The following STEAP2 variants were observed in gnomAD, a reference collection of about 807,000 sequenced individuals.
STEAP2 encodes metalloreductase STEAP2.
STEAP2 carries 30 observed loss-of-function variants against 46.4 expected under a neutral mutation model. The ratio of observed to expected loss-of-function variants is 0.65; its 90% CI spans 0.48 to 0.88. The LOEUF (loss-of-function observed/expected upper bound fraction) is 0.88, where lower values mean the gene tolerates loss of function less well. Ranked by LOEUF, STEAP2 falls within the 40% of genes least tolerant of loss-of-function variation. STEAP2 has a pLI of 0.00. For missense variants in STEAP2, 513 were observed against 579.3 expected, an observed-to-expected ratio of 0.89 and a Z score of 1.18; for synonymous variants, 180 against 200.5, an observed-to-expected ratio of 0.90 and a Z score of 0.86.
rs778077381 is a variant in STEAP2 at position 90,232,644 on chromosome 7, C to T, written c.*20C>T. The T allele has an allele frequency of 7.0e-6, 11 of 1,579,894 alleles. No individual in the cohort carries two copies. In the Admixed American group the frequency reaches 1.8e-4, roughly 26 times the overall value. On this transcript the variant is annotated 3_prime_UTR_variant, in exon 6 of 6. Transcript: ENST00000394621. ...ATGTGATGACAAATGGTGTTCACAG[C>T]TGCCATATAAAGTTCTACTCATGCC...
chr7:90,232,596 T>C lies in STEAP2; in HGVS notation c.1445T>C (p.Val482Ala). 6.2e-7 allele frequency: 1 copy of C among 1,612,534 alleles called. No individual in the cohort carries two copies. The highest frequency in any genetic ancestry group is 8.5e-7 in the Non-Finnish European group (1 of 1,179,082). The change falls in exon 6 of 6, where the codon GTC (valine) becomes GCC (alanine). Residue 482 changes from valine to alanine, a missense_variant. Transcript: ENST00000394621. ...GGTATGGGAGGAACAATTCCTCATG[T>C]CTCCCCGGAGAGGGTCACAGTAATG... ...EEGMGGTIPH[V>A]SPERVTVM
intron 5 of STEAP2, 107 bp from the exon 6 acceptor site, chr7:90,232,230 A>T: frequency 6.1e-6 from 8 of 1,318,832 alleles, no homozygotes; most frequent in Non-Finnish European, 7.8e-6. Flanking sequence ...TTAAGACAAA[A>T]TAGTTTTATC....
At chr7:90,230,999 G>A (rs1428523310) in intron 5 of STEAP2, among the ~76,000 whole-genome samples, 1 of 151,796 alleles carries the variant, frequency 6.6e-6, no homozygotes, top group Non-Finnish European at 1.5e-5. Context: ...CTAGACAGAT[G>A]CAAATTATCA....
chr7:90,236,422 C>A lies in STEAP2; in HGVS notation c.*3798C>A. The A allele has an allele frequency of 1.0e-6, 1 of 988,726 alleles. No homozygotes were observed. Among genetic ancestry groups the A allele is most frequent in the Non-Finnish European group, 1.2e-6 (1 of 832,188 alleles). The allele number at this position is 988,726 out of a possible 1,614,324, so 61.2% of individuals were successfully genotyped here. The stretch of plus-strand genomic sequence containing the variant: ...AACAAGATACATACATAGTATAACA[C>A]ACCTCACAGTGTTAAGATTTATATT... On this transcript the variant is annotated 3_prime_UTR_variant, in exon 6 of 6. Transcript: ENST00000394621.
chr7:90,230,614 A>C (rs1180757706), intron 5 of STEAP2, among the ~76,000 whole-genome samples: 6 of 151,976 alleles, frequency 3.9e-5, no homozygotes, highest in Non-Finnish European at 5.9e-5. Context: ...GATGTCTGTA[A>C]AGGGATTTCA....
chr7:90,220,316 C>T (rs1037769464), intron 2 of STEAP2, among the ~76,000 whole-genome samples: 2 of 152,008 alleles, frequency 1.3e-5, no homozygotes, highest in Non-Finnish European at 1.5e-5. Flanking sequence ...TTTTTTGTTA[C>T]TGGTCTGTCC....
At chr7:90,220,479 T>G (rs977161137) in intron 2 of STEAP2, among the ~76,000 whole-genome samples, 5 of 152,176 alleles carry the variant, frequency 3.3e-5, no homozygotes, top group Non-Finnish European at 7.4e-5. Context: ...TTGTAATGTT[T>G]CCTTTTCCAT....
chr7:90,228,760 T>C (rs1795610961), intron 4 of STEAP2, among the ~76,000 whole-genome samples: 1 of 152,174 alleles, frequency 6.6e-6, no homozygotes. Flanking sequence ...GCCTAGACAT[T>C]GTGGACACTC....
Position 90,233,585 on chromosome 7 carries a change from T to C in STEAP2, c.*961T>C, listed in dbSNP as rs1483389869. 1.1e-6 allele frequency: 1 copy of C among 931,576 alleles called. No individual in the cohort carries two copies. Among genetic ancestry groups the C allele is most frequent in the Admixed American group, 6.2e-5 (1 of 16,222 alleles). The allele number at this position is 931,576 out of a possible 1,614,324, so 57.7% of individuals were successfully genotyped here. On this transcript the variant is annotated 3_prime_UTR_variant, in exon 6 of 6. Transcript: ENST00000394621. ...GGTTCTAAGTACTTTACTTGTATTATCCCATTTAATACTTAGAACAACCCC... is the reference window on the plus strand; with the variant it reads ...GGTTCTAAGTACTTTACTTGTATTACCCCATTTAATACTTAGAACAACCCC...
Position 90,235,780 on chromosome 7 carries a change from T to C in STEAP2, c.*3156T>C. 1.3e-6 allele frequency: 1 copy of C among 794,572 alleles called. No homozygotes were observed. Among genetic ancestry groups the C allele is most frequent in the Non-Finnish European group, 1.5e-6 (1 of 655,986 alleles). 49.2% of individuals were successfully genotyped at this position (794,572 alleles called of 1,614,324 possible). On this transcript the variant is annotated 3_prime_UTR_variant, in exon 6 of 6. Transcript: ENST00000394621. Reference sequence around the variant, plus strand: ...CATGCTAACATTATTTTTCAAAACATACATGGAAATTTAGCCCAGATTGTC... The same window carrying C: ...CATGCTAACATTATTTTTCAAAACACACATGGAAATTTAGCCCAGATTGTC...
In STEAP2 at chr7:90,225,563, G is replaced by A. The variant is rs755465216; in HGVS notation, c.481G>A (p.Ala161Thr). The change falls in exon 3 of 6, where the codon GCC becomes ACC. Residue 161 changes from alanine (A) to threonine (T), a missense_variant. Physicochemically the swap from Ala to Thr is moderately conservative, Grantham distance 58. Transcript: ENST00000394621. ...GGCACTTCAGTTAGGACCTAAGGAT[G>A]CCAGCCGGCAGGTATGTATTTTACA... is the stretch of plus-strand genomic sequence containing the variant. ...AWALQLGPKDASRQVYICSNN... is the reference protein window; with the variant it reads ...AWALQLGPKDTSRQVYICSNN... The A allele has an allele frequency of 3.1e-6, 5 of 1,592,112 alleles. No individual in the cohort carries two copies. Among genetic ancestry groups the A allele is most frequent in the Non-Finnish European group, 4.3e-6 (5 of 1,171,468 alleles).
intron 2 of STEAP2, among the ~76,000 whole-genome samples, chr7:90,218,408 T>C (rs1406139775): frequency 6.6e-6 from 1 of 152,210 alleles, no homozygotes; most frequent in Non-Finnish European, 1.5e-5. Context: ...GGGTCTTATG[T>C]TTAAGTCTTT....
At chr7:90,232,019 A>G (rs10281548) in intron 5 of STEAP2, among the ~76,000 whole-genome samples, 4 of 151,928 alleles carry the variant, frequency 2.6e-5, no homozygotes, top group Non-Finnish European at 5.9e-5. Context: ...AATATTATAC[A>G]GTATTAATGT....
chr7:90,213,672 C>A (rs377047317), intron 1 of STEAP2: 23 of 152,324 alleles, frequency 1.5e-4, no homozygotes, highest in African/African-American at 5.5e-4. Flanking sequence ...AGTTACACTG[C>A]CAGCCAATGT....
Position 90,230,002 on chromosome 7 carries a change from A to G in STEAP2, c.1151A>G (p.Asn384Ser), listed in dbSNP as rs748774733. Residue 384 changes from asparagine (N) to serine (S), a missense_variant, in exon 5 of 6, where the codon AAT (asparagine) becomes AGT (serine). Asn to Ser is a conservative substitution (Grantham distance 46, BLOSUM62 1). Transcript: ENST00000394621. ...GTCACTTCTATCCCTTCAGTGAGCA[A>G]TGCTTTAAACTGGAGAGAATTCAGT... is the stretch of plus-strand genomic sequence containing the variant. ...LAVTSIPSVSNALNWREFSFI... is the reference protein window; with the variant it reads ...LAVTSIPSVSSALNWREFSFI... 1.9e-6 allele frequency: 3 copies of G among 1,613,354 alleles called. No homozygotes were observed. Among genetic ancestry groups the G allele is most frequent in the Admixed American group, 1.7e-5 (1 of 59,996 alleles).
In STEAP2 at chr7:90,235,209, C is replaced by CA. The variant is rs1795921043; in HGVS notation, c.*2588dup. ...ATGGGGCCTTTAAAAATATGAAAAACAAACTTGTGAAAATGTATAAAAGAT... is the reference window on the plus strand; with the variant it reads ...ATGGGGCCTTTAAAAATATGAAAAACAAAACTTGTGAAAATGTATAAAAGAT... On this transcript the variant is annotated 3_prime_UTR_variant, in exon 6 of 6. Coordinates refer to ENST00000394621, the MANE Select transcript of STEAP2 (RefSeq NM_001244944.2). 5 of 983,136 alleles carry CA rather than the reference C, an allele frequency of 5.1e-6. No individual in the cohort carries two copies. In the South Asian group the frequency reaches 1.4e-4, roughly 28 times the overall value. The allele number at this position is 983,136 out of a possible 1,614,324, so 60.9% of individuals were successfully genotyped here.
At position 90,234,770 on chromosome 7, in the gene STEAP2, G is replaced by A. The variant is rs564837977; in HGVS notation, c.*2146G>A. 3 of 615,520 alleles carry A rather than the reference G, an allele frequency of 4.9e-6. No homozygotes were observed. The highest frequency in any genetic ancestry group is 6.1e-6 in the Non-Finnish European group (3 of 492,764). 38.1% of individuals were successfully genotyped at this position (615,520 alleles called of 1,614,324 possible). A position where few individuals can be genotyped will look rare whatever the true frequency, so the allele number is the denominator to read the frequency against. The stretch of plus-strand genomic sequence containing the variant: ...GAGTTTCACCGTGTTAGCCAGGATG[G>A]TCTCGATCTCCTGACCTCGTGATCC... On this transcript the variant is annotated 3_prime_UTR_variant, in exon 6 of 6. Coordinates refer to ENST00000394621, the MANE Select transcript of STEAP2 (RefSeq NM_001244944.2).
intron 2 of STEAP2, 80 bp downstream of exon 2, chr7:90,216,683 AAGCCACATCT>A (rs1371187574): frequency 9.8e-5 from 15 of 152,378 alleles, no homozygotes; most frequent in Admixed American, 9.8e-4. Flanking sequence ...GAGGGTCAGA[AAGCCACATCT>A]ACTATCGCCA....
chr7:90,229,720 A>G (rs1263779118), intron 4 of STEAP2, 152 bp from the exon 5 acceptor site: 2 of 1,240,676 alleles, frequency 1.6e-6, no homozygotes, highest in African/African-American at 3.1e-5. Context: ...TCATCCAGTA[A>G]CAGGTTCTCT....
Sources: allele counts gnomAD v4.1 joint callset (sites outside exome capture counted in the v4.1 genomes callset), GRCh38; gene constraint gnomAD v4.1.1; transcripts MANE v1.5; gene names NCBI Gene and HGNC (gene_info 2026-07-23, HGNC 2026-07-21).